Variants in PLCG2 observed in about 807,000 individuals in gnomAD.
PLCG2 encodes the protein 1-phosphatidylinositol 4,5-bisphosphate phosphodiesterase gamma-2.
Under a neutral mutation model 175.6 loss-of-function variants are expected in PLCG2, and 69 were observed. The ratio of observed to expected loss-of-function variants is 0.39; its 90% CI spans 0.32 to 0.48. PLCG2 has a LOEUF of 0.48. Among genes scored for constraint, PLCG2 ranks in the 20% least tolerant of loss-of-function variants. The pLI is 0.91. For synonymous variants in PLCG2, 827 were observed against 624.0 expected, an observed-to-expected ratio of 1.33 and a Z score of -4.85; for missense variants, 1,798 against 1,650.9, an observed-to-expected ratio of 1.09 and a Z score of -1.54.
chr16:81,893,648 G>A (rs1043066827), intron 11 of PLCG2, 61 bp from the exon 12 acceptor site: 1 of 994,528 alleles, frequency 1.0e-6, no homozygotes, highest in African/African-American at 1.6e-5. Context: ...TGAGGTGCAG[G>A]CTTGCCCCCC....
intron 2 of PLCG2, among the ~76,000 whole-genome samples, chr16:81,765,695 C>T (rs1001396592): frequency 1.5e-5 from 1 of 67,090 alleles, no homozygotes; most frequent in African/African-American, 3.6e-5. Flanking sequence ...GACTTTTAGC[C>T]ACCACATCAG....
intron 1 of PLCG2, among the ~76,000 whole-genome samples, chr16:81,745,735 C>T (rs1909691686): frequency 6.6e-6 from 1 of 152,202 alleles, no homozygotes; most frequent in Non-Finnish European, 1.5e-5. Flanking sequence ...CAGGTTCTGA[C>T]CTTGGCTGAC....
At chr16:81,918,128 G>A (rs1215227609) in intron 19 of PLCG2, among the ~76,000 whole-genome samples, 2 of 152,174 alleles carry the variant, frequency 1.3e-5, no homozygotes, top group Non-Finnish European at 2.9e-5. Context: ...GTTTGCAGAT[G>A]TTTTTCCCAT....
At chr16:81,888,016 G>A (rs1046203994) in intron 9 of PLCG2, among the ~76,000 whole-genome samples, 1 of 138,144 alleles carries the variant, frequency 7.2e-6, no homozygotes, top group Non-Finnish European at 1.6e-5. Flanking sequence ...TTCCATATCA[G>A]TTTCGTTATT....
chr16:81,832,569 T>A (rs919424630), intron 2 of PLCG2, among the ~76,000 whole-genome samples: 2 of 152,148 alleles, frequency 1.3e-5, no homozygotes, highest in African/African-American at 4.8e-5. Context: ...TGTGTGTGTG[T>A]GTGTATGTAT....
intron 2 of PLCG2, among the ~76,000 whole-genome samples, chr16:81,846,888 G>A (rs1381049494): frequency 6.6e-6 from 1 of 152,096 alleles, no homozygotes; most frequent in African/African-American, 2.4e-5. Context: ...GACACCAGAT[G>A]TGTATGGTTT....
chr16:81,790,989 T>G (rs1231033411), intron 2 of PLCG2, among the ~76,000 whole-genome samples: 1 of 152,172 alleles, frequency 6.6e-6, no homozygotes, highest in African/African-American at 2.4e-5. Flanking sequence ...ATGTGTTTGC[T>G]TTGCTCACAG....
rs963637616 is a variant in PLCG2 at position 81,961,230 on chromosome 16, T to C, written c.*3232T>C. ...AAGCTTCCGTTCCCATTGATGTATC[T>C]GTGTGAACAAGGATCAACATCTCCA... On this transcript the variant is annotated 3_prime_UTR_variant, in exon 33 of 33. Coordinates refer to ENST00000564138, the MANE Select transcript of PLCG2 (RefSeq NM_002661.5). The C allele has an allele frequency of 1.8e-5, 4 of 225,916 alleles. No individual in the cohort carries two copies. The highest frequency in any genetic ancestry group is 6.7e-5 in the African/African-American group (3 of 44,912). The allele number at this position is 225,916 out of a possible 1,614,324, so 14.0% of individuals were successfully genotyped here.
At chr16:81,881,056 C>T in intron 8 of PLCG2, 103 bp downstream of exon 8, 1 of 1,196,088 alleles carries the variant, frequency 8.4e-7, no homozygotes. Context: ...CAGGCGCTGA[C>T]CTCCAAAGGG....
At chr16:81,764,094 A>G (rs1009390514) in intron 2 of PLCG2, among the ~76,000 whole-genome samples, 1 of 152,000 alleles carries the variant, frequency 6.6e-6, no homozygotes, top group Admixed American at 6.6e-5. Flanking sequence ...GGAGTTCGAG[A>G]CCAGCCTGGG....
chr16:81,953,334 T>C (rs189116472), intron 31 of PLCG2, among the ~76,000 whole-genome samples: 1 of 152,310 alleles, frequency 6.6e-6, no homozygotes, highest in East Asian at 1.9e-4. Flanking sequence ...TTGATACTTG[T>C]ACTGTGGTTG....
Position 81,900,696 on chromosome 16 carries a change from C to T in PLCG2, c.1278C>T (p.Gly426=), listed in dbSNP as rs199514190. 213 of 1,613,184 alleles carry T rather than the reference C, an allele frequency of 1.3e-4. No homozygotes were observed. Among genetic ancestry groups the T allele is most frequent in the Middle Eastern group, 1.6e-4 (1 of 6,076 alleles). The change falls in exon 14 of 33, where the codon GGC becomes GGT. Residue 426 remains glycine (G), a synonymous_variant. Transcript: ENST00000564138. ...HMAKAFKEVF[G]DLLLTKPTEA... is the part of the protein sequence containing the mutation. ...CCAAGGCCTTCAAGGAAGTATTTGG[C>T]GACCTGCTGTTGACGAAGCCCACGG... is the stretch of plus-strand genomic sequence containing the variant.
At chr16:81,807,066 G>A (rs1225243552) in intron 2 of PLCG2, among the ~76,000 whole-genome samples, 16 of 152,246 alleles carry the variant, frequency 1.1e-4, no homozygotes, top group South Asian at 1.0e-3. Flanking sequence ...CTACCTTCTC[G>A]CCAAGGCTTC....
intron 2 of PLCG2, among the ~76,000 whole-genome samples, chr16:81,830,034 T>C (rs1187275218): frequency 6.6e-6 from 1 of 151,732 alleles, no homozygotes; most frequent in Non-Finnish European, 1.5e-5. Flanking sequence ...AAATATATAA[T>C]AGTGGCCGGG....
At chr16:81,938,637 C>A (rs1464792874) in intron 28 of PLCG2, 164 bp from the exon 29 acceptor site, 2 of 600,270 alleles carry the variant, frequency 3.3e-6, no homozygotes, top group Non-Finnish European at 5.9e-6. Context: ...CACAGTCCAC[C>A]TTCATCCACT....
At chr16:81,788,431 C>G (rs1911081008) in intron 2 of PLCG2, among the ~76,000 whole-genome samples, 1 of 152,160 alleles carries the variant, frequency 6.6e-6, no homozygotes, top group African/African-American at 2.4e-5. Context: ...CAGGCGCCCG[C>G]CACCACGCCC....
rs754112976 is a variant in PLCG2, at chr16:81,919,598, T to G, written c.2169T>G (p.His723Gln). ...LVELVSYYEKHSLYRKMRLRY... is the reference protein window; with the variant it reads ...LVELVSYYEKQSLYRKMRLRY... ...AGCTCGTCAGTTACTACGAGAAGCA[T>G]TCACTCTACCGAAAGATGAGACTGC... The change falls in exon 20 of 33, where the codon CAT (histidine) becomes CAG (glutamine). Residue 723 changes from histidine to glutamine, a missense_variant. Transcript: ENST00000564138. 6.2e-7 allele frequency: 1 copy of G among 1,614,140 alleles called. No individual in the cohort carries two copies. Among genetic ancestry groups the G allele is most frequent in the South Asian group, 1.1e-5 (1 of 91,080 alleles).
chr16:81,907,813 A>T, intron 16 of PLCG2, 39 bp downstream of exon 16: 1 of 1,460,890 alleles, frequency 6.8e-7, no homozygotes, highest in South Asian at 1.1e-5. Context: ...GGAGGTCCCC[A>T]GGAACCCCGA....
Position 81,743,523 on chromosome 16 carries a change from C to G in PLCG2, c.-145+4138C>G, listed in dbSNP as rs113482093. ...GGGACATTTCCGGAGCCAGAGGCCA[C>G]AGTGGCCAGAGGGGAGTGAAAGGGG... On this transcript the variant is annotated intron_variant, in intron 1 of 5. Coordinates refer to the PLCG2 transcript ENST00000565054. Among the ~76,000 whole-genome samples, 968 of 152,300 alleles carry G rather than the reference C, an allele frequency of 6.4e-3. 13 individuals carry two copies. The highest frequency in any genetic ancestry group is 0.022 in the African/African-American group (926 of 41,566).
Sources: allele counts gnomAD v4.1 joint callset (sites outside exome capture counted in the v4.1 genomes callset), GRCh38; gene constraint gnomAD v4.1.1; transcripts MANE v1.5; gene names NCBI Gene and HGNC (gene_info 2026-07-23, HGNC 2026-07-21).